The following PLA2G4A variants were observed in gnomAD, a reference collection of about 807,000 sequenced individuals.
The protein encoded by PLA2G4A is phospholipase A2 group IVA, also known as cytosolic phospholipase A2.
A neutral mutation model predicts 81.9 loss-of-function variants in PLA2G4A; 40 were observed. The ratio of observed to expected loss-of-function variants is 0.49; its 90% CI spans 0.38 to 0.64. The LOEUF is 0.64. PLA2G4A is among the 30% of genes least tolerant of loss of function. The pLI, the probability that PLA2G4A is intolerant of heterozygous loss-of-function variation, is 0.00. For synonymous variants in PLA2G4A, 302 were observed against 296.9 expected, an observed-to-expected ratio of 1.02 and a Z score of -0.18; for missense variants, 715 against 905.1, an observed-to-expected ratio of 0.79 and a Z score of 2.69.
chr1:186,933,919 A>T (rs1216177348), intron 8 of PLA2G4A, among the ~76,000 whole-genome samples: 2 of 152,142 alleles, frequency 1.3e-5, no homozygotes, highest in African/African-American at 4.8e-5. Flanking sequence ...TTTACAGGGA[A>T]TTTCACATTT....
At chr1:186,976,111 G>A (rs1657520472) in intron 15 of PLA2G4A, among the ~76,000 whole-genome samples, 1 of 152,040 alleles carries the variant, frequency 6.6e-6, no homozygotes, top group African/African-American at 2.4e-5. Context: ...AGCACAAAGG[G>A]TTATTTGATT....
At chr1:186,900,449 T>G (rs1179297032) in intron 5 of PLA2G4A, among the ~76,000 whole-genome samples, 1 of 152,240 alleles carries the variant, frequency 6.6e-6, no homozygotes, top group Non-Finnish European at 1.5e-5. Flanking sequence ...TGAAGCTGAT[T>G]TAACTGGATA....
At chr1:186,872,701 T>C (rs1361588368) in intron 3 of PLA2G4A, among the ~76,000 whole-genome samples, 4 of 152,052 alleles carry the variant, frequency 2.6e-5, no homozygotes, top group Non-Finnish European at 1.5e-5. Flanking sequence ...TTATTATAAT[T>C]AGAATAGGGA....
At chr1:186,958,260 A>G (rs1443813721) in intron 14 of PLA2G4A, among the ~76,000 whole-genome samples, 2 of 152,244 alleles carry the variant, frequency 1.3e-5, no homozygotes, top group Non-Finnish European at 2.9e-5. Flanking sequence ...ATTAACTAAT[A>G]TATTAACTAT....
chr1:186,896,851 G>A (rs1426935120), intron 5 of PLA2G4A, among the ~76,000 whole-genome samples: 1 of 152,242 alleles, frequency 6.6e-6, no homozygotes, highest in Middle Eastern at 3.4e-3. Flanking sequence ...AGGGGTAGTT[G>A]GGAGAGAAGT....
intron 3 of PLA2G4A, among the ~76,000 whole-genome samples, chr1:186,881,011 TCA>T (rs1653711130): frequency 1.3e-5 from 2 of 152,054 alleles, no homozygotes; most frequent in Non-Finnish European, 1.5e-5. Flanking sequence ...TTGCAATAAA[TCA>T]TTTTTATTGT....
intron 7 of PLA2G4A, among the ~76,000 whole-genome samples, chr1:186,921,477 C>T (rs1211896339): frequency 2.0e-5 from 3 of 152,188 alleles, no homozygotes; most frequent in Non-Finnish European, 4.4e-5. Flanking sequence ...CACGCCTTTC[C>T]ACCATGTGTC....
intron 2 of PLA2G4A, among the ~76,000 whole-genome samples, chr1:186,855,146 T>C (rs988317534): frequency 6.6e-6 from 1 of 151,990 alleles, no homozygotes; most frequent in African/African-American, 2.4e-5. Context: ...TGTAATGTCT[T>C]CTTCCTGTCC....
rs570730832 is a variant in PLA2G4A, at chr1:186,882,543, C to T, written c.116-10468C>T. Reference sequence around the variant, plus strand: ...GTAGATTCCAAAGATGCCTCTTTGCCGTAGAGTGATATTCCAGTGAATGGC... The same window carrying T: ...GTAGATTCCAAAGATGCCTCTTTGCTGTAGAGTGATATTCCAGTGAATGGC... On this transcript the variant is annotated intron_variant, in intron 3 of 17. Coordinates refer to ENST00000367466, the MANE Select transcript of PLA2G4A (RefSeq NM_024420.3). 2.7e-5 allele frequency among the ~76,000 whole-genome samples: 4 copies of T among 150,766 alleles called. 1 individual carries two copies. The highest frequency in any genetic ancestry group is 2.0e-4 in the Admixed American group (3 of 15,142).
intron 3 of PLA2G4A, among the ~76,000 whole-genome samples, chr1:186,876,850 G>T (rs1451790787): frequency 1.3e-5 from 2 of 152,050 alleles, no homozygotes; most frequent in African/African-American, 4.8e-5. Flanking sequence ...TTTTCCCGAA[G>T]GGTAACCCTC....
At position 186,988,677 on chromosome 1, in the gene PLA2G4A, T is replaced by C; in HGVS notation, c.*169T>C. On this transcript the variant is annotated 3_prime_UTR_variant, in exon 18 of 18. Transcript: ENST00000367466. Reference sequence around the variant, plus strand: ...GAGAATAATACTATTATAAGTTAGGTTGACAAATGATGTTGATTATGTAAG... The same window carrying C: ...GAGAATAATACTATTATAAGTTAGGCTGACAAATGATGTTGATTATGTAAG... 1.7e-6 allele frequency: 1 copy of C among 575,976 alleles called. No homozygotes were observed. The highest frequency in any genetic ancestry group is 3.4e-5 in the East Asian group (1 of 29,742). The allele number at this position is 575,976 out of a possible 1,614,324, so 35.7% of individuals were successfully genotyped here.
chr1:186,951,931 G>A (rs1320805095), intron 13 of PLA2G4A, among the ~76,000 whole-genome samples: 3 of 152,110 alleles, frequency 2.0e-5, no homozygotes, highest in Non-Finnish European at 4.4e-5. Context: ...CCCATGATCT[G>A]CCTAATCAAA....
intron 12 of PLA2G4A, among the ~76,000 whole-genome samples, chr1:186,950,051 T>C (rs1453226455): frequency 6.6e-6 from 1 of 151,986 alleles, no homozygotes; most frequent in Non-Finnish European, 1.5e-5. Context: ...GATAACTAGT[T>C]ATTATGCTAG....
At chr1:186,963,628 T>G (rs574243128) in intron 14 of PLA2G4A, among the ~76,000 whole-genome samples, 4 of 152,234 alleles carry the variant, frequency 2.6e-5, no homozygotes, top group African/African-American at 9.6e-5. Flanking sequence ...TCACCTATTC[T>G]GGGCCGTATG....
intron 10 of PLA2G4A, among the ~76,000 whole-genome samples, chr1:186,941,644 C>A (rs539654964): frequency 1.4e-4 from 22 of 152,116 alleles, no homozygotes. Flanking sequence ...TTTATTTTAC[C>A]ATACTAACTT....
Position 186,922,479 on chromosome 1 carries a change from G to A in PLA2G4A, c.559-10284G>A, listed in dbSNP as rs565210213. 7.9e-5 allele frequency among the ~76,000 whole-genome samples: 12 copies of A among 152,246 alleles called. No homozygotes were observed. The East Asian group carries it at 2.1e-3, about 27-fold the overall frequency. On this transcript the variant is annotated intron_variant, in intron 7 of 17. Transcript: ENST00000367466. ...TTCAGCCACTGTGTTGATCCTTCACGGGGGCCTGCCACGCGCTGCTCTGGT... is the reference window on the plus strand; with the variant it reads ...TTCAGCCACTGTGTTGATCCTTCACAGGGGCCTGCCACGCGCTGCTCTGGT...
At chr1:186,830,860 T>C (rs970783518) in intron 1 of PLA2G4A, among the ~76,000 whole-genome samples, 3 of 152,064 alleles carry the variant, frequency 2.0e-5, no homozygotes, top group Non-Finnish European at 4.4e-5. Flanking sequence ...GAAGACAGAA[T>C]TAGTTGTGGT....
intron 14 of PLA2G4A, among the ~76,000 whole-genome samples, chr1:186,960,859 C>A (rs1336854080): frequency 1.3e-5 from 2 of 152,110 alleles, no homozygotes; most frequent in South Asian, 4.1e-4. Flanking sequence ...ATAGGGAATG[C>A]GCAATGTAAT....
chr1:186,988,641 C>CTT lies in PLA2G4A; in HGVS notation c.*134_*135dup. 2 of 759,064 alleles carry CTT rather than the reference C, an allele frequency of 2.6e-6. No individual in the cohort carries two copies. Among genetic ancestry groups the CTT allele is most frequent in the Admixed American group, 3.6e-5 (2 of 55,492 alleles). The allele number at this position is 759,064 out of a possible 1,614,324, so 47.0% of individuals were successfully genotyped here. ...TGGCTGATACTCAAAGTTGCAGTTA[C>CTT]TTAGCTGCATGAGAATAATACTATT... On this transcript the variant is annotated 3_prime_UTR_variant, in exon 18 of 18. Transcript: ENST00000367466.
Sources: gnomAD v4.1 joint callset for allele counts (sites outside exome capture counted in the v4.1 genomes callset) on GRCh38, gnomAD v4.1.1 for gene constraint, MANE v1.5 for transcripts, NCBI Gene and HGNC (gene_info 2026-07-23, HGNC 2026-07-21) for gene names.